Variants in GNB5 observed in about 807,000 individuals in gnomAD.
GNB5 encodes guanine nucleotide-binding protein subunit beta-5.
In GNB5, 37 loss-of-function variants were observed where a neutral mutation model predicts 55.3. The ratio of observed to expected loss-of-function variants is 0.67; its 90% CI spans 0.51 to 0.88. GNB5 has a LOEUF of 0.88. Among genes scored for constraint, GNB5 ranks in the 40% least tolerant of loss-of-function variants. The pLI, the probability that GNB5 is intolerant of heterozygous loss-of-function variation, is 0.00. For missense variants in GNB5, 476 were observed against 515.3 expected (o/e 0.92, Z 0.74); for synonymous variants, 219 against 198.5 (o/e 1.10, Z -0.87).
At chr15:52,178,455 C>T (rs1218373812) in intron 3 of GNB5, among the ~76,000 whole-genome samples, 2 of 152,166 alleles carry the variant, frequency 1.3e-5, no homozygotes, top group African/African-American at 2.4e-5. Flanking sequence ...GGAGCTGTGG[C>T]AATCATATTA....
chr15:52,143,189 A>G (rs1181333841), intron 6 of GNB5, among the ~76,000 whole-genome samples: 2 of 151,684 alleles, frequency 1.3e-5, no homozygotes, highest in Non-Finnish European at 2.9e-5. Context: ...CAGAATGTGT[A>G]GAGAATGATT....
chr15:52,167,998 A>G (rs1411738396), intron 3 of GNB5, among the ~76,000 whole-genome samples: 1 of 152,234 alleles, frequency 6.6e-6, no homozygotes, highest in Non-Finnish European at 1.5e-5. Context: ...TTGAAGGAAC[A>G]TATCTCAAAA....
At chr15:52,145,519 C>G (rs2033954676) in intron 6 of GNB5, among the ~76,000 whole-genome samples, 1 of 151,970 alleles carries the variant, frequency 6.6e-6, no homozygotes. Context: ...GTGGTGCACG[C>G]CTGTAGTCCC....
intron 9 of GNB5, among the ~76,000 whole-genome samples, chr15:52,132,400 C>A (rs2033598898): frequency 6.6e-6 from 1 of 152,172 alleles, no homozygotes; most frequent in Admixed American, 6.6e-5. Context: ...TGAACTCACA[C>A]AACCACCTCT....
intron 3 of GNB5, among the ~76,000 whole-genome samples, chr15:52,175,335 C>T (rs1306722240): frequency 6.6e-6 from 1 of 152,186 alleles, no homozygotes; most frequent in Admixed American, 6.5e-5. Flanking sequence ...ATTCCCAATT[C>T]ACAGGAAACC....
At chr15:52,137,478 C>T in intron 7 of GNB5, 1 of 1,015,844 alleles carries the variant, frequency 9.8e-7, no homozygotes, top group East Asian at 9.6e-5. Context: ...GCCAAGAGAG[C>T]ACTCTGGAAG....
chr15:52,179,095 G>C (rs1319729870), intron 3 of GNB5, among the ~76,000 whole-genome samples: 3 of 152,222 alleles, frequency 2.0e-5, no homozygotes, highest in Non-Finnish European at 2.9e-5. Context: ...TACGGTGGTG[G>C]TGGTGAAGAA....
At position 52,133,466 on chromosome 15, in the gene GNB5, A is replaced by T; in HGVS notation, c.775T>A (p.Cys259Ser). The T allele has an allele frequency of 6.2e-7, 1 of 1,608,374 alleles. No homozygotes were observed. The highest frequency in any genetic ancestry group is 8.5e-7 in the Non-Finnish European group (1 of 1,174,676). Residue 259 changes from cysteine (C) to serine (S), a missense_variant, in exon 9 of 13, where the codon TGT becomes AGT. Cys to Ser is a moderately radical substitution (Grantham distance 112). Transcript: ENST00000261837. The stretch of plus-strand genomic sequence containing the variant: ...TCCCACACCATGGCTTTCTTGTCAC[A>T]TCCCTACAAATGAAAATTAGCCAGA... The part of the protein sequence containing the change: ...ETGNTFVSGG[C>S]DKKAMVWDMR...
chr15:52,129,820 A>T (rs1161612746), intron 9 of GNB5, among the ~76,000 whole-genome samples: 1 of 152,210 alleles, frequency 6.6e-6, no homozygotes, highest in African/African-American at 2.4e-5. Context: ...GGCCATAGGG[A>T]TGGTAAATGT....
At chr15:52,153,100 T>C (rs756590103) in intron 4 of GNB5, among the ~76,000 whole-genome samples, 31 of 152,356 alleles carry the variant, frequency 2.0e-4, no homozygotes, top group Non-Finnish European at 3.7e-4. Context: ...ATCAGGGTTG[T>C]TCTGTGTGAC....
rs903697997 is a variant in GNB5 at position 52,121,545 on chromosome 15, T to C, written c.*1212A>G. On this transcript the variant is annotated 3_prime_UTR_variant, in exon 13 of 13. Transcript: ENST00000261837. ...TTCTATGTAAGAGGAGCAGACGTTA[T>C]TATTCATGACTATCAATCAATCTGC... 3 of 152,178 alleles carry C rather than the reference T, an allele frequency of 2.0e-5. No individual in the cohort carries two copies. The highest frequency in any genetic ancestry group is 4.4e-5 in the Non-Finnish European group (3 of 68,046). The allele number at this position is 152,178 out of a possible 1,614,324, so 9.4% of individuals were successfully genotyped here. A position where few individuals can be genotyped will look rare whatever the true frequency, so the allele number is the denominator to read the frequency against.
chr15:52,136,305 C>A (rs1239496471), intron 7 of GNB5, among the ~76,000 whole-genome samples: 2 of 152,096 alleles, frequency 1.3e-5, no homozygotes, highest in Non-Finnish European at 1.5e-5. Flanking sequence ...GAAATCCTGG[C>A]GGCCTCATGG....
chr15:52,130,857 G>A (rs543611525), intron 9 of GNB5, among the ~76,000 whole-genome samples: 3 of 152,274 alleles, frequency 2.0e-5, no homozygotes, highest in Admixed American at 6.5e-5. Flanking sequence ...AAGGGGTCTC[G>A]CTCTACTGCC....
Position 52,141,277 on chromosome 15 carries a change from G to T in GNB5, c.495-5C>A, listed in dbSNP as rs776424856. 1.2e-6 allele frequency: 2 copies of T among 1,612,984 alleles called. No homozygotes were observed. Among genetic ancestry groups the T allele is most frequent in the Non-Finnish European group, 1.7e-6 (2 of 1,179,000 alleles). On this transcript the variant is annotated splice_polypyrimidine_tract_variant and splice_region_variant and intron_variant, in intron 6 of 12. Transcript: ENST00000261837. ...GAACACTTATTATCCAAACCACTAG[G>T]ATGGAAAGAAAGAAGTACCAAAGAT...
intron 7 of GNB5, among the ~76,000 whole-genome samples, chr15:52,136,151 CACACACACACACACACACACA>C (rs1456789088): frequency 3.3e-4 from 46 of 137,522 alleles, no homozygotes; most frequent in Middle Eastern, 3.6e-3. Flanking sequence ...CACACACACA[CACACACACACACACACACACA>C]CCCTACCTGC....
chr15:52,135,705 C>A lies in GNB5; in HGVS notation c.679G>T (p.Gly227Trp). Residue 227 changes from glycine (G) to tryptophan (W), a missense_variant, in exon 8 of 13, where the codon GGG becomes TGG. Gly to Trp is a radical substitution (Grantham distance 184). Transcript: ENST00000261837. The stretch of plus-strand genomic sequence containing the variant: ...CCGTGGAAGCTCTGCAGCAGCTGCC[C>A]GCTCTCCACGTCCCACAGGGCACAT... ...GTCALWDVESGQLLQSFHGHG... is the reference protein window; with the variant it reads ...GTCALWDVESWQLLQSFHGHG... 3 of 1,612,856 alleles carry A rather than the reference C, an allele frequency of 1.9e-6. No individual in the cohort carries two copies. Among genetic ancestry groups the A allele is most frequent in the East Asian group, 2.2e-5 (1 of 44,806 alleles).
intron 6 of GNB5, among the ~76,000 whole-genome samples, chr15:52,141,974 C>T (rs2141201710): frequency 6.6e-6 from 1 of 152,308 alleles, no homozygotes; most frequent in East Asian, 1.9e-4. Flanking sequence ...ACAGACACTA[C>T]CTACTGTTTG....
chr15:52,145,205 A>G (rs1305331748), intron 6 of GNB5, among the ~76,000 whole-genome samples: 4 of 152,046 alleles, frequency 2.6e-5, no homozygotes, highest in Non-Finnish European at 4.4e-5. Flanking sequence ...CATGTAGTAC[A>G]AATATATATA....
intron 8 of GNB5, among the ~76,000 whole-genome samples, chr15:52,134,799 G>T (rs540584244): frequency 6.6e-6 from 1 of 152,192 alleles, no homozygotes; most frequent in East Asian, 1.9e-4. Context: ...CCTGACGGAG[G>T]TGAGACAGGA....
Sources: gnomAD v4.1 joint callset for allele counts (sites outside exome capture counted in the v4.1 genomes callset) on GRCh38, gnomAD v4.1.1 for gene constraint, MANE v1.5 for transcripts, NCBI Gene and HGNC (gene_info 2026-07-23, HGNC 2026-07-21) for gene names.